UBE3C: variants seen among roughly 807,000 people sequenced by gnomAD.
The protein encoded by UBE3C is ubiquitin-protein ligase E3C.
A neutral mutation model predicts 129.4 loss-of-function variants in UBE3C; 42 were observed. The ratio of observed to expected loss-of-function variants is 0.32; its 90% CI spans 0.25 to 0.42. The LOEUF (loss-of-function observed/expected upper bound fraction) is 0.42, where lower values mean the gene tolerates loss of function less well. UBE3C is among the 10% of genes least tolerant of loss of function. The pLI is 1.00. For missense variants in UBE3C, 1,049 were observed against 1,319.1 expected, an observed-to-expected ratio of 0.80 and a Z score of 3.17; for synonymous variants, 510 against 492.4, an observed-to-expected ratio of 1.04 and a Z score of -0.47.
Position 157,187,083 on chromosome 7 carries a change from G to A in UBE3C, c.1331+62G>A, listed in dbSNP as rs1162079006. 2.0e-6 allele frequency: 3 copies of A among 1,499,932 alleles called. No individual in the cohort carries two copies. The African/African-American group carries it at 4.2e-5, about 21-fold the overall frequency. 92.9% of individuals were successfully genotyped at this position (1,499,932 alleles called of 1,614,324 possible). ...GCCAGAGAACATACCTTCCTCCCTG[G>A]GAATTGCTCTCCTCTTAAGTTTTGT... On this transcript the variant is annotated intron_variant, in intron 10 of 22. Transcript: ENST00000348165.
chr7:157,197,626 T>A (rs1809159222), intron 10 of UBE3C: 1 of 1,606,856 alleles, frequency 6.2e-7, no homozygotes, highest in Non-Finnish European at 8.5e-7. Context: ...AGTAACACAG[T>A]GTTAAGAATA....
At position 157,178,672 on chromosome 7, in the gene UBE3C, CTT is replaced by C; in HGVS notation, c.459-13_459-12del. 4 of 1,609,166 alleles carry C rather than the reference CTT, an allele frequency of 2.5e-6. No homozygotes were observed. Among genetic ancestry groups the C allele is most frequent in the East Asian group, 2.2e-5 (1 of 44,818 alleles). ...TTGCCATCCTGTAAGTGTGTGAATA[CTT>C]TTTTCATTTTTACAGGTTGCTGCAA... On this transcript the variant is annotated splice_polypyrimidine_tract_variant and intron_variant, in intron 5 of 22. Transcript: ENST00000348165.
intron 10 of UBE3C, chr7:157,198,285 A>G (rs974308748): frequency 6.4e-6 from 6 of 932,818 alleles, no homozygotes; most frequent in Non-Finnish European, 1.1e-5. Flanking sequence ...GGGCTCTTGA[A>G]GACTGCAGCT....
chr7:157,237,196 C>CT (rs1232258734), intron 18 of UBE3C, among the ~76,000 whole-genome samples: 1 of 152,068 alleles, frequency 6.6e-6, no homozygotes, highest in African/African-American at 2.4e-5. Flanking sequence ...AATCCCAACA[C>CT]TTTGGGAGGC....
chr7:157,184,724 G>A (rs930695959), intron 9 of UBE3C, among the ~76,000 whole-genome samples: 38 of 152,298 alleles, frequency 2.5e-4, no homozygotes, highest in African/African-American at 8.4e-4. Flanking sequence ...TAAATTTTTA[G>A]AATATTGTGA....
chr7:157,140,487 T>G (rs10274687), intron 1 of UBE3C, among the ~76,000 whole-genome samples: 72,343 of 152,104 alleles, frequency 0.48, 19,822 homozygotes, highest in African/African-American at 0.77. Context: ...TTAAGGGTGG[T>G]CGTGGTAGCA....
chr7:157,208,705 C>T (rs574236784), intron 13 of UBE3C, among the ~76,000 whole-genome samples: 1 of 152,056 alleles, frequency 6.6e-6, no homozygotes, highest in African/African-American at 2.4e-5. Flanking sequence ...AACATATCTT[C>T]GTTCTTAACC....
intron 10 of UBE3C, among the ~76,000 whole-genome samples, chr7:157,188,350 A>T (rs891077279): frequency 6.6e-6 from 1 of 152,246 alleles, no homozygotes; most frequent in Admixed American, 6.5e-5. Flanking sequence ...CCTTGTAAAC[A>T]CTAATGTGGC....
intron 22 of UBE3C, among the ~76,000 whole-genome samples, chr7:157,264,112 C>T (rs1796999563): frequency 6.7e-6 from 1 of 150,076 alleles, no homozygotes; most frequent in South Asian, 2.1e-4. Context: ...TGTGAGCCAA[C>T]ATGCTCAGCC....
At chr7:157,197,505 A>G in intron 10 of UBE3C, 1 of 798,878 alleles carries the variant, frequency 1.3e-6, no homozygotes, top group South Asian at 2.8e-5. Flanking sequence ...AATAAAAATA[A>G]TTTGTTTTTT....
At chr7:157,139,980 A>C in intron 1 of UBE3C, 1 of 985,406 alleles carries the variant, frequency 1.0e-6, no homozygotes, top group Non-Finnish European at 1.2e-6. Context: ...GAGACTCCGG[A>C]CTTACATCTG....
intron 16 of UBE3C, 38 bp downstream of exon 16, chr7:157,223,389 T>C (rs763470377): frequency 3.2e-6 from 5 of 1,544,930 alleles, no homozygotes; most frequent in Admixed American, 1.9e-5. Context: ...CTACGTATCA[T>C]ATTAGTGTTA....
intron 1 of UBE3C, among the ~76,000 whole-genome samples, chr7:157,157,919 G>A (rs959096342): frequency 6.6e-6 from 1 of 151,846 alleles, no homozygotes; most frequent in African/African-American, 2.4e-5. Flanking sequence ...GGCGGAGGTT[G>A]CAGTGAGCCA....
At chr7:157,153,954 G>C (rs1247905464) in intron 1 of UBE3C, among the ~76,000 whole-genome samples, 2 of 151,870 alleles carry the variant, frequency 1.3e-5, no homozygotes, top group African/African-American at 2.4e-5. Context: ...CCAAGACCGC[G>C]CCACTGCACT....
At position 157,203,892 on chromosome 7, in the gene UBE3C, A is replaced by G. The variant is rs553559146; in HGVS notation, c.1418+2085A>G. On this transcript the variant is annotated intron_variant, in intron 11 of 22. Transcript: ENST00000348165. Reference sequence around the variant, plus strand: ...AAGTTGAAATGCATTCAAGACACCCAGCTTACTGAGGCCTCACAGCTTAGC... The same window carrying G: ...AAGTTGAAATGCATTCAAGACACCCGGCTTACTGAGGCCTCACAGCTTAGC... Among the ~76,000 whole-genome samples, 5 of 152,340 alleles carry G rather than the reference A, an allele frequency of 3.3e-5. No homozygotes were observed. In the South Asian group the frequency reaches 1.0e-3, roughly 32 times the overall value.
In UBE3C at chr7:157,181,618, G is replaced by T. The variant is rs746534009; in HGVS notation, c.717G>T (p.Glu239Asp). ...TTCCTATAGCAAAAATTTTGCTAGAGAATGTTCTAAAACCATTGCACTTTA... is the reference window on the plus strand; with the variant it reads ...TTCCTATAGCAAAAATTTTGCTAGATAATGTTCTAAAACCATTGCACTTTA... ...SRVPIAKILLENVLKPLHFTY... is the reference protein window; with the variant it reads ...SRVPIAKILLDNVLKPLHFTY... The change falls in exon 7 of 23, where the codon GAG (glutamate) becomes GAT (aspartate). Residue 239 changes from glutamate (E) to aspartate (D), a missense_variant. Physicochemically the swap from Glu to Asp is conservative, Grantham distance 45 (BLOSUM62 2). Coordinates refer to ENST00000348165, the MANE Select transcript of UBE3C (RefSeq NM_014671.3). 9 of 1,613,786 alleles carry T rather than the reference G, an allele frequency of 5.6e-6. No individual in the cohort carries two copies. Among genetic ancestry groups the T allele is most frequent in the Non-Finnish European group, 5.9e-6 (7 of 1,179,950 alleles).
chr7:157,227,138 CA>C (rs1056044092), intron 17 of UBE3C, among the ~76,000 whole-genome samples: 17 of 151,996 alleles, frequency 1.1e-4, no homozygotes, highest in African/African-American at 3.9e-4. Context: ...GATTGAATCC[CA>C]GGGGAAAAAA....
At chr7:157,254,893 G>C (rs917420175) in intron 21 of UBE3C, among the ~76,000 whole-genome samples, 1 of 151,574 alleles carries the variant, frequency 6.6e-6, no homozygotes, top group Non-Finnish European at 1.5e-5. Context: ...TTAGCTGGGC[G>C]TGGTGGCATA....
Position 157,267,863 on chromosome 7 carries a change from G to C in UBE3C, c.*108G>C, listed in dbSNP as rs1797123048. ...CACTGCACGCCTGAGGCTCTCCTAA[G>C]CTCCTTCTTTCATTCTGCCATTCCT... On this transcript the variant is annotated 3_prime_UTR_variant, in exon 23 of 23. Transcript: ENST00000348165. 1 of 940,636 alleles carries C rather than the reference G, an allele frequency of 1.1e-6. No individual in the cohort carries two copies. The highest frequency in any genetic ancestry group is 3.2e-5 in the Admixed American group (1 of 31,556). 58.3% of individuals were successfully genotyped at this position (940,636 alleles called of 1,614,324 possible).
Sources: allele counts gnomAD v4.1 joint callset (sites outside exome capture counted in the v4.1 genomes callset), GRCh38; gene constraint gnomAD v4.1.1; transcripts MANE v1.5; gene names NCBI Gene and HGNC (gene_info 2026-07-23, HGNC 2026-07-21).